Variants in ASTN2 observed in about 807,000 individuals in gnomAD.
The protein encoded by ASTN2 is astrotactin-2.
Under a neutral mutation model 139.8 loss-of-function variants are expected in ASTN2, and 54 were observed. That is an observed-to-expected ratio of 0.39 (90% confidence interval 0.31 to 0.48). The LOEUF (loss-of-function observed/expected upper bound fraction) is 0.48, where lower values mean the gene tolerates loss of function less well. Among genes scored for constraint, ASTN2 ranks in the 20% least tolerant of loss-of-function variants. The pLI is 0.95. For synonymous variants in ASTN2, 756 were observed against 719.5 expected (o/e 1.05, Z -0.81); for missense variants, 1,565 against 1,725.1 (o/e 0.91, Z 1.64).
intron 19 of ASTN2, among the ~76,000 whole-genome samples, chr9:116,604,363 C>T (rs1855076386): frequency 6.6e-6 from 1 of 152,168 alleles, no homozygotes. Context: ...GCTGGAGTGA[C>T]AGAAATATTT....
chr9:117,352,130 T>C (rs1253784583), intron 1 of ASTN2, among the ~76,000 whole-genome samples: 1 of 152,218 alleles, frequency 6.6e-6, no homozygotes, highest in African/African-American at 2.4e-5. Context: ...TCACAGGCTG[T>C]GTCTTCAGCC....
At chr9:116,883,501 C>A (rs1259202289) in intron 10 of ASTN2, among the ~76,000 whole-genome samples, 1 of 152,084 alleles carries the variant, frequency 6.6e-6, no homozygotes, top group Non-Finnish European at 1.5e-5. Flanking sequence ...TCTTTCCTCA[C>A]ACACACACAC....
At chr9:116,578,623 T>C (rs575841273) in intron 19 of ASTN2, among the ~76,000 whole-genome samples, 2,706 of 31,374 alleles carry the variant, frequency 0.086, 78 homozygotes, top group African/African-American at 0.22. Flanking sequence ...CTCCAACGTG[T>C]GTGTGTGTGT....
At chr9:116,840,513 C>A (rs1832191517) in intron 11 of ASTN2, among the ~76,000 whole-genome samples, 2 of 126,296 alleles carry the variant, frequency 1.6e-5, no homozygotes, top group African/African-American at 3.1e-5. Context: ...GGGCTGACCC[C>A]CCCCACCTCC....
At chr9:116,808,305 GTGTT>G (rs750625931) in intron 12 of ASTN2, among the ~76,000 whole-genome samples, 316 of 150,480 alleles carry the variant, frequency 2.1e-3, no homozygotes, top group South Asian at 5.2e-3. Context: ...GTGTGTGTGT[GTGTT>G]TGTGTTTGTG....
chr9:116,585,752 G>C (rs1398201282), intron 19 of ASTN2: 2 of 152,142 alleles, frequency 1.3e-5, no homozygotes, highest in East Asian at 3.8e-4. Flanking sequence ...CTCAATGTCA[G>C]CCTTGGGAAA....
At chr9:117,356,744 C>T (rs1418606025) in intron 1 of ASTN2, among the ~76,000 whole-genome samples, 2 of 152,154 alleles carry the variant, frequency 1.3e-5, no homozygotes, top group African/African-American at 4.8e-5. Flanking sequence ...AACAATCTCT[C>T]TTCATACCAT....
intron 3 of ASTN2, among the ~76,000 whole-genome samples, chr9:117,156,779 T>C (rs767742731): frequency 1.3e-5 from 2 of 152,052 alleles, no homozygotes; most frequent in Admixed American, 6.6e-5. Context: ...ATGCTTCAAG[T>C]CCATTATCCT....
chr9:116,708,322 A>C (rs1201973284), intron 16 of ASTN2, among the ~76,000 whole-genome samples: 1 of 152,186 alleles, frequency 6.6e-6, no homozygotes, highest in Non-Finnish European at 1.5e-5. Context: ...ATATTATCAA[A>C]ATTACTAACT....
intron 16 of ASTN2, among the ~76,000 whole-genome samples, chr9:116,717,874 T>A (rs935909191): frequency 6.6e-6 from 1 of 152,208 alleles, no homozygotes; most frequent in African/African-American, 2.4e-5. Flanking sequence ...GAACAACACT[T>A]TGCCTATACC....
Position 116,651,675 on chromosome 9 carries a change from A to C in ASTN2, c.2925T>G (p.Ile975Met), listed in dbSNP as rs750464104. Residue 975 changes from isoleucine to methionine, a missense_variant, in exon 17 of 23, where the codon ATT (isoleucine) becomes ATG (methionine). By Grantham distance (10) the Ile-to-Met change is conservative. Transcript: ENST00000313400. ...SDDQLISGVE[I>M]RCEEKGRCPS... ...GACAGCGCCCCTTCTCCTCACAGCG[A>C]ATCTCCACACCTGAAATGAGCTGGT... is the stretch of plus-strand genomic sequence containing the variant. 1.9e-6 allele frequency: 3 copies of C among 1,614,074 alleles called. No homozygotes were observed. The highest frequency in any genetic ancestry group is 1.3e-5 in the African/African-American group (1 of 74,926).
chr9:117,282,166 T>C (rs1182386471), intron 2 of ASTN2, among the ~76,000 whole-genome samples: 1 of 152,190 alleles, frequency 6.6e-6, no homozygotes, highest in East Asian at 1.9e-4. Flanking sequence ...GGTGCCCCAT[T>C]CTCTCAGTTT....
chr9:117,330,853 G>T (rs1196537667), intron 1 of ASTN2, among the ~76,000 whole-genome samples: 1 of 152,190 alleles, frequency 6.6e-6, no homozygotes, highest in Admixed American at 6.6e-5. Flanking sequence ...AAATGAAGGG[G>T]ATGTGCCCTT....
chr9:116,587,611 A>T (rs1168190028), intron 19 of ASTN2, among the ~76,000 whole-genome samples: 1 of 152,108 alleles, frequency 6.6e-6, no homozygotes, highest in African/African-American at 2.4e-5. Flanking sequence ...ATTACTCCAA[A>T]TCCTTGTAGA....
At chr9:116,438,747 C>G (rs1009416258) in intron 22 of ASTN2, among the ~76,000 whole-genome samples, 1 of 152,116 alleles carries the variant, frequency 6.6e-6, no homozygotes, top group Non-Finnish European at 1.5e-5. Context: ...GAGTTTGAAA[C>G]CAGCCTGGCC....
chr9:116,737,406 G>A lies in ASTN2; in HGVS notation c.2397-3883C>T, dbSNP rs114257133. Among the ~76,000 whole-genome samples the A allele has an allele frequency of 5.9e-3, 895 of 152,216 alleles. 8 individuals carry two copies. The highest frequency in any genetic ancestry group is 0.021 in the African/African-American group (859 of 41,526). ...GCGACCAGGGAGCTGGCAGGGTGCT[G>A]GCTTAAACTCGGGTGCTCAGGAATA... On this transcript the variant is annotated intron_variant, in intron 13 of 22. Coordinates refer to ENST00000313400, the MANE Select transcript of ASTN2 (RefSeq NM_001365068.1).
intron 1 of ASTN2, among the ~76,000 whole-genome samples, chr9:117,372,517 A>G (rs1162719584): frequency 6.6e-6 from 1 of 152,180 alleles, no homozygotes; most frequent in Non-Finnish European, 1.5e-5. Context: ...ATGTATATTT[A>G]GGTAACTCAC....
In ASTN2 at chr9:117,010,785, A is replaced by G. The variant is rs527573555; in HGVS notation, c.1424-2526T>C. ...GAGAGGTCAAACTGACATACAGCAA[A>G]TCCCTCAGCTGATCCCATGGGGAGA... On this transcript the variant is annotated intron_variant, in intron 6 of 22. Coordinates refer to ENST00000313400, the MANE Select transcript of ASTN2 (RefSeq NM_001365068.1). Among the ~76,000 whole-genome samples, 62 of 152,270 alleles carry G rather than the reference A, an allele frequency of 4.1e-4. 1 individual carries two copies. In the South Asian group the frequency reaches 0.013, roughly 32 times the overall value.
At chr9:117,093,540 G>A (rs1307046314) in intron 5 of ASTN2, among the ~76,000 whole-genome samples, 1 of 152,080 alleles carries the variant, frequency 6.6e-6, no homozygotes, top group East Asian at 1.9e-4. Flanking sequence ...AAGGGCTCCT[G>A]GACCTCCCTT....
Sources: gnomAD v4.1 joint callset for allele counts (sites outside exome capture counted in the v4.1 genomes callset) on GRCh38, gnomAD v4.1.1 for gene constraint, MANE v1.5 for transcripts, NCBI Gene and HGNC (gene_info 2026-07-23, HGNC 2026-07-21) for gene names.